The following CACNA1E variants were observed in gnomAD, a reference collection of about 807,000 sequenced individuals.
The protein encoded by CACNA1E is calcium voltage-gated channel subunit alpha1 E.
A neutral mutation model predicts 259.2 loss-of-function variants in CACNA1E; 40 were observed. The observed-to-expected ratio is 0.15, with a 90% CI of 0.12 to 0.20. The LOEUF is 0.20. Among genes scored for constraint, CACNA1E ranks in the 10% least tolerant of loss-of-function variants. The probability of loss-of-function intolerance (pLI) is 1.00; values close to 1 mark genes in which losing one functional copy is unlikely to be tolerated. For synonymous variants in CACNA1E, 1,104 were observed against 1,138.5 expected, an observed-to-expected ratio of 0.97 and a Z score of 0.61; for missense variants, 1,874 against 3,040.1, an observed-to-expected ratio of 0.62 and a Z score of 9.02.
chr1:181,741,583 C>T (rs1656580299), intron 25 of CACNA1E, among the ~76,000 whole-genome samples: 1 of 152,192 alleles, frequency 6.6e-6, no homozygotes, highest in Admixed American at 6.5e-5. Flanking sequence ...TGCCCGTGTG[C>T]CTGGTAACCA....
rs1277948568 is a variant in CACNA1E at position 181,771,364 on chromosome 1, G to A, written c.4953G>A (p.Gly1651=). 1 of 1,594,904 alleles carries A rather than the reference G, an allele frequency of 6.3e-7. No individual in the cohort carries two copies. The highest frequency in any genetic ancestry group is 8.6e-7 in the Non-Finnish European group (1 of 1,165,802). Residue 1651 remains glycine, a synonymous_variant, in exon 36 of 48, where the codon GGG becomes GGA. Coordinates refer to ENST00000367573, the MANE Select transcript of CACNA1E (RefSeq NM_001205293.3). ...ACAACAACTTCCGGAGTTTCTTTGG[G>A]TCCCTAATGCTACTCTTCAGGTACC... ...NRHNNFRSFF[G]SLMLLFRSAT...
intron 1 of CACNA1E, among the ~76,000 whole-genome samples, chr1:181,337,606 T>A (rs1042335676): frequency 3.3e-5 from 5 of 152,242 alleles, no homozygotes; most frequent in African/African-American, 1.2e-4. Flanking sequence ...GTAAGTGAGA[T>A]AATGCAGTAC....
chr1:181,349,179 T>G (rs747336963), intron 1 of CACNA1E, among the ~76,000 whole-genome samples: 50 of 152,176 alleles, frequency 3.3e-4, no homozygotes, highest in Non-Finnish European at 5.9e-4. Context: ...CAATGTGGAA[T>G]AAAATTGGCC....
chr1:181,354,615 C>T (rs1207528777), intron 1 of CACNA1E, among the ~76,000 whole-genome samples: 4 of 152,210 alleles, frequency 2.6e-5, no homozygotes, highest in Non-Finnish European at 5.9e-5. Flanking sequence ...TCCCACAGTG[C>T]ACATGGCTCC....
intron 6 of CACNA1E, among the ~76,000 whole-genome samples, chr1:181,632,599 A>G (rs926666730): frequency 2.0e-5 from 3 of 152,160 alleles, no homozygotes; most frequent in African/African-American, 7.2e-5. Flanking sequence ...CCACTTCCTG[A>G]TGTGATTTGT....
chr1:181,763,814 A>C (rs1396429142), intron 34 of CACNA1E, among the ~76,000 whole-genome samples: 2 of 152,232 alleles, frequency 1.3e-5, no homozygotes, highest in African/African-American at 4.8e-5. Flanking sequence ...GACACATTTT[A>C]TAAGATGTGC....
In CACNA1E at chr1:181,687,713, C is replaced by T. The variant is rs542913413; in HGVS notation, c.1056-23241C>T. ...TTGCTTTTAGGGTCATTGTATTCAT[C>T]TACAATAGTATATGGTTTGTTACAG... On this transcript the variant is annotated intron_variant, in intron 7 of 47. Transcript: ENST00000367573. Among the ~76,000 whole-genome samples the T allele has an allele frequency of 5.9e-5, 9 of 152,242 alleles. No homozygotes were observed. In the South Asian group the frequency reaches 6.2e-4, roughly 11 times the overall value.
intron 6 of CACNA1E, among the ~76,000 whole-genome samples, chr1:181,592,345 G>T (rs1234663332): frequency 6.6e-6 from 1 of 152,030 alleles, no homozygotes; most frequent in Non-Finnish European, 1.5e-5. Flanking sequence ...ACCCACCAAA[G>T]ATGCCATGGC....
intron 6 of CACNA1E, among the ~76,000 whole-genome samples, chr1:181,586,389 T>A (rs1166354193): frequency 6.6e-6 from 1 of 152,110 alleles, no homozygotes; most frequent in Non-Finnish European, 1.5e-5. Flanking sequence ...TGGTAAAGTA[T>A]TGAGACTGGC....
chr1:181,584,920 C>T (rs1447152317), intron 6 of CACNA1E, among the ~76,000 whole-genome samples: 1 of 152,148 alleles, frequency 6.6e-6, no homozygotes, highest in Admixed American at 6.5e-5. Context: ...AATTTGTAGA[C>T]ACTGTAATTG....
At chr1:181,628,828 T>C (rs1248089444) in intron 6 of CACNA1E, among the ~76,000 whole-genome samples, 2 of 152,244 alleles carry the variant, frequency 1.3e-5, no homozygotes, top group African/African-American at 4.8e-5. Context: ...TTAACATTCA[T>C]TACTGATTGA....
intron 1 of CACNA1E, among the ~76,000 whole-genome samples, chr1:181,330,017 G>T (rs1259812411): frequency 2.0e-5 from 3 of 152,314 alleles, no homozygotes; most frequent in East Asian, 3.9e-4. Context: ...GACTCAGGAG[G>T]AACTGAAGCT....
chr1:181,383,050 A>G (rs1655576133), intron 1 of CACNA1E, among the ~76,000 whole-genome samples: 1 of 152,208 alleles, frequency 6.6e-6, no homozygotes, highest in Admixed American at 6.5e-5. Context: ...CAGCCTGTTC[A>G]AATCAGGCCG....
rs1395090532 is a variant in CACNA1E at position 181,563,206 on chromosome 1, A to G, written c.513-14560A>G. Among the ~76,000 whole-genome samples the G allele has an allele frequency of 2.6e-5, 4 of 152,128 alleles. No homozygotes were observed. The South Asian group carries it at 8.3e-4, about 31-fold the overall frequency. On this transcript the variant is annotated intron_variant, in intron 3 of 47. Transcript: ENST00000367573. ...TCTTTGCAAGTATGGGGAACTGGGT[A>G]TTTTCTTTTAAATACTTGTCATCCT...
At position 181,807,274 on chromosome 1, in the gene CACNA1E, G is replaced by C. The variant is rs887859597; in HGVS notation, c.*8440G>C. ...GATCTGCAAGCGAGGAGTTTAACAA[G>C]GTAGGCAGAGAACTTCCTTATGGAA... On this transcript the variant is annotated 3_prime_UTR_variant, in exon 48 of 48. Coordinates refer to ENST00000367573, the MANE Select transcript of CACNA1E (RefSeq NM_001205293.3). 6.6e-6 allele frequency: 1 copy of C among 151,914 alleles called. No homozygotes were observed. The highest frequency in any genetic ancestry group is 2.4e-5 in the African/African-American group (1 of 41,332). 9.4% of individuals were successfully genotyped at this position (151,914 alleles called of 1,614,324 possible).
chr1:181,576,063 A>G (rs968375904), intron 3 of CACNA1E, among the ~76,000 whole-genome samples: 1 of 152,154 alleles, frequency 6.6e-6, no homozygotes, highest in Non-Finnish European at 1.5e-5. Context: ...AGGAGTGTGG[A>G]AGACTCCACT....
chr1:181,561,536 A>G (rs184629470), intron 3 of CACNA1E, among the ~76,000 whole-genome samples: 44 of 152,280 alleles, frequency 2.9e-4, no homozygotes, highest in African/African-American at 9.4e-4. Context: ...CATAAATGGG[A>G]AGAGGAGTCT....
At chr1:181,657,242 A>G (rs1659280918) in intron 7 of CACNA1E, among the ~76,000 whole-genome samples, 1 of 152,144 alleles carries the variant, frequency 6.6e-6, no homozygotes, top group African/African-American at 2.4e-5. Context: ...CAGTGCTGTG[A>G]TTACCTTAAG....
In CACNA1E at chr1:181,731,156, G is replaced by C. The variant is rs1353039078; in HGVS notation, c.2241-19G>C. 2 of 1,610,684 alleles carry C rather than the reference G, an allele frequency of 1.2e-6. No homozygotes were observed. The highest frequency in any genetic ancestry group is 1.1e-5 in the South Asian group (1 of 90,964). On this transcript the variant is annotated intron_variant, in intron 18 of 47. Coordinates refer to ENST00000367573, the MANE Select transcript of CACNA1E (RefSeq NM_001205293.3). Reference sequence around the variant, plus strand: ...CTAGAGGTTGGGGTGAACTGAACCTGTCCATTTTTCTTCCCCAGAAGAGAC... The same window carrying C: ...CTAGAGGTTGGGGTGAACTGAACCTCTCCATTTTTCTTCCCCAGAAGAGAC...
Sources: gnomAD v4.1 joint callset for allele counts (sites outside exome capture counted in the v4.1 genomes callset) on GRCh38, gnomAD v4.1.1 for gene constraint, MANE v1.5 for transcripts, NCBI Gene and HGNC (gene_info 2026-07-23, HGNC 2026-07-21) for gene names.